The following EPS15 variants were observed in gnomAD, a reference collection of about 807,000 sequenced individuals.
The protein encoded by EPS15 is epidermal growth factor receptor pathway substrate 15, also known as epidermal growth factor receptor substrate 15.
Under a neutral mutation model 113.8 loss-of-function variants are expected in EPS15, and 72 were observed. That is an observed-to-expected ratio of 0.63 (90% CI 0.52 to 0.77). The LOEUF (loss-of-function observed/expected upper bound fraction) is 0.77. EPS15 is among the 30% of genes least tolerant of loss of function. The pLI is 0.00. For synonymous variants in EPS15, 344 were observed against 363.4 expected (o/e 0.95, Z 0.61); for missense variants, 1,048 against 1,045.8 (o/e 1.00, Z -0.03).
At chr1:51,363,842 G>A in intron 23 of EPS15, 24 bp downstream of exon 23, 1 of 1,591,956 alleles carries the variant, frequency 6.3e-7, no homozygotes, top group East Asian at 2.2e-5. Context: ...GCAGTTGACT[G>A]AAGAAAAGTA....
intron 13 of EPS15, among the ~76,000 whole-genome samples, chr1:51,413,923 A>T (rs1310130359): frequency 6.6e-6 from 1 of 151,880 alleles, no homozygotes; most frequent in East Asian, 2.0e-4. Flanking sequence ...TAATTTTTAA[A>T]TTTTTTTGTA....
chr1:51,371,374 G>A (rs1485770815), intron 21 of EPS15, among the ~76,000 whole-genome samples: 1 of 152,144 alleles, frequency 6.6e-6, no homozygotes, highest in Admixed American at 6.5e-5. Context: ...CTTCCAGGGG[G>A]ACAAGATGTG....
intron 1 of EPS15, among the ~76,000 whole-genome samples, chr1:51,508,296 G>GAA (rs35533870): frequency 0.017 from 2,233 of 130,990 alleles, 56 homozygotes; most frequent in Non-Finnish European, 0.026. Context: ...GAGAAAGAGA[G>GAA]AGAGAGAAAG....
rs56655497 is a variant in EPS15 at position 51,357,376 on chromosome 1, GAAAAA to G, written c.2545-535_2545-531del. Among the ~76,000 whole-genome samples, 243 of 33,078 alleles carry G rather than the reference GAAAAA, an allele frequency of 7.3e-3. 7 individuals carry two copies. The highest frequency in any genetic ancestry group is 0.043 in the African/African-American group (220 of 5,128). The allele number at this position is 33,078 out of a possible 152,430, so 21.7% of individuals were successfully genotyped here. A position where few individuals can be genotyped will look rare whatever the true frequency, so the allele number is the denominator to read the frequency against. The stretch of plus-strand genomic sequence containing the variant: ...TGGGTGACAAAGTGAGATTCCATCT[GAAAAA>G]AAAAAAAAAAATATATATATATATA... On this transcript the variant is annotated intron_variant, in intron 24 of 24. Coordinates refer to ENST00000371733, the MANE Select transcript of EPS15 (RefSeq NM_001981.3).
intron 1 of EPS15, among the ~76,000 whole-genome samples, chr1:51,491,863 T>TTTG (rs1348337793): frequency 1.3e-5 from 2 of 149,620 alleles, no homozygotes; most frequent in African/African-American, 4.9e-5. Flanking sequence ...CATTTAATTT[T>TTTG]TTTTTTTTTT....
At chr1:51,388,323 G>C (rs1043724273) in intron 21 of EPS15, among the ~76,000 whole-genome samples, 1 of 152,204 alleles carries the variant, frequency 6.6e-6, no homozygotes, top group Non-Finnish European at 1.5e-5. Context: ...TCAAAGCAGT[G>C]TGTAGAGGGA....
intron 12 of EPS15, among the ~76,000 whole-genome samples, chr1:51,437,932 T>TA (rs1557469289): frequency 6.6e-6 from 1 of 152,002 alleles, no homozygotes; most frequent in Non-Finnish European, 1.5e-5. Flanking sequence ...TATATATTAA[T>TA]AAAAAAATTA....
chr1:51,412,867 T>A (rs1441936613), intron 13 of EPS15, among the ~76,000 whole-genome samples: 2 of 152,252 alleles, frequency 1.3e-5, no homozygotes, highest in Non-Finnish European at 2.9e-5. Flanking sequence ...TTCCTTGACA[T>A]ACAACTGGGT....
At chr1:51,402,693 C>T (rs1302139715) in intron 17 of EPS15, among the ~76,000 whole-genome samples, 168 bp from the exon 18 acceptor site, 2 of 152,038 alleles carry the variant, frequency 1.3e-5, no homozygotes, top group African/African-American at 4.8e-5. Context: ...GGGAGGCTGA[C>T]GTGGGCAGAT....
At chr1:51,357,035 T>TA (rs1486540207) in intron 24 of EPS15, among the ~76,000 whole-genome samples, 189 bp from the exon 25 acceptor site, 1 of 151,984 alleles carries the variant, frequency 6.6e-6, no homozygotes, top group Admixed American at 6.6e-5. Context: ...TAGTTTAATT[T>TA]AAAAAATTAA....
intron 21 of EPS15, chr1:51,373,179 T>A (rs1480337724): frequency 1.3e-5 from 2 of 156,888 alleles, no homozygotes; most frequent in Non-Finnish European, 2.9e-5. Context: ...AAGATATAGA[T>A]AAGGAAAAGA....
chr1:51,451,326 TAAA>T (rs1653530114), intron 8 of EPS15, among the ~76,000 whole-genome samples: 1 of 151,138 alleles, frequency 6.6e-6, no homozygotes, highest in Non-Finnish European at 1.5e-5. Flanking sequence ...CCATCTCTAC[TAAA>T]AATACAAAAA....
intron 12 of EPS15, among the ~76,000 whole-genome samples, chr1:51,435,405 G>C (rs1652072702): frequency 6.6e-6 from 1 of 152,102 alleles, no homozygotes; most frequent in Non-Finnish European, 1.5e-5. Flanking sequence ...TGTTGGCCAA[G>C]CTGGTCTCAA....
rs1240331363 is a variant in EPS15 at position 51,361,346 on chromosome 1, G to C, written c.2369C>G (p.Ser790Cys). Residue 790 changes from serine to cysteine, a missense_variant, in exon 24 of 25, where the codon TCC (serine) becomes TGC (cysteine). Transcript: ENST00000371733. ...RPCPLPPGKR[S>C]INKLDSPDPF... ...ATCAGGAGAATCCAATTTGTTGATG[G>C]ATCTTTTCCCTGGATCAAAATCATT... 1 of 1,609,836 alleles carries C rather than the reference G, an allele frequency of 6.2e-7. No individual in the cohort carries two copies. The highest frequency in any genetic ancestry group is 8.5e-7 in the Non-Finnish European group (1 of 1,177,730).
intron 1 of EPS15, among the ~76,000 whole-genome samples, chr1:51,514,511 A>T (rs183818311): frequency 2.0e-5 from 3 of 152,282 alleles, no homozygotes; most frequent in Non-Finnish European, 2.9e-5. Flanking sequence ...ACTCACAAAC[A>T]AGTATATAAA....
intron 2 of EPS15, among the ~76,000 whole-genome samples, chr1:51,478,238 T>A (rs1643951327): frequency 6.6e-6 from 1 of 152,206 alleles, no homozygotes; most frequent in African/African-American, 2.4e-5. Flanking sequence ...TGATCTTTGT[T>A]GGTTTAAAGT....
intron 21 of EPS15, among the ~76,000 whole-genome samples, chr1:51,384,294 C>CTTTTTTTTTTTTTTTTT (rs201374174): frequency 4.1e-5 from 4 of 98,518 alleles, no homozygotes; most frequent in African/African-American, 4.0e-5. Context: ...CTTTTTCTTT[C>CTTTTTTTTTTTTTTTTT]TTTCTTTTTT....
intron 24 of EPS15, among the ~76,000 whole-genome samples, chr1:51,358,935 C>T (rs1000598277): frequency 2.0e-5 from 3 of 151,810 alleles, no homozygotes; most frequent in Admixed American, 2.0e-4. Flanking sequence ...CACTCCTGAC[C>T]TCAAGTGATC....
chr1:51,481,228 A>G, intron 2 of EPS15, 45 bp downstream of exon 2: 2 of 950,612 alleles, frequency 2.1e-6, no homozygotes, highest in Non-Finnish European at 3.5e-6. Context: ...AGTTGACAGT[A>G]CATTTAATGT....
Sources: gnomAD v4.1 joint callset for allele counts (sites outside exome capture counted in the v4.1 genomes callset) on GRCh38, gnomAD v4.1.1 for gene constraint, MANE v1.5 for transcripts, NCBI Gene and HGNC (gene_info 2026-07-23, HGNC 2026-07-21) for gene names.